CDH13: variants seen among roughly 807,000 people sequenced by gnomAD.
The protein encoded by CDH13 is cadherin-13.
In CDH13, 24 loss-of-function variants were observed where a neutral mutation model predicts 63.8. The ratio of observed to expected loss-of-function variants is 0.38; its 90% CI spans 0.27 to 0.53. The LOEUF (loss-of-function observed/expected upper bound fraction) is 0.53, where lower values mean the gene tolerates loss of function less well. Among genes scored for constraint, CDH13 ranks in the 20% least tolerant of loss-of-function variants. CDH13 has a pLI of 0.85. For missense variants in CDH13, 1,049 were observed against 903.1 expected (o/e 1.16, Z -2.07); for synonymous variants, 503 against 355.3 (o/e 1.42, Z -4.67).
chr16:82,946,696 G>A (rs1023392159), intron 2 of CDH13, among the ~76,000 whole-genome samples: 1 of 150,676 alleles, frequency 6.6e-6, no homozygotes, highest in Non-Finnish European at 1.5e-5. Context: ...ACTCCAGCGT[G>A]GGTGACAGAA....
chr16:83,220,729 T>A (rs2151792113), intron 5 of CDH13, among the ~76,000 whole-genome samples: 1 of 150,406 alleles, frequency 6.6e-6, no homozygotes, highest in East Asian at 1.9e-4. Context: ...ATAGCGCCAA[T>A]GTTTCTGTTG....
At chr16:83,133,268 C>T (rs539934667) in intron 4 of CDH13, among the ~76,000 whole-genome samples, 7 of 152,214 alleles carry the variant, frequency 4.6e-5, no homozygotes, top group African/African-American at 1.7e-4. Flanking sequence ...GTTTTGTAAG[C>T]GTAAAATACA....
At chr16:82,735,965 C>G (rs547763285) in intron 1 of CDH13, among the ~76,000 whole-genome samples, 1 of 152,304 alleles carries the variant, frequency 6.6e-6, no homozygotes, top group South Asian at 2.1e-4. Context: ...TTAGAGGTTT[C>G]TCTGCTCATT....
At chr16:83,336,621 C>T (rs542172597) in intron 5 of CDH13, among the ~76,000 whole-genome samples, 4 of 152,134 alleles carry the variant, frequency 2.6e-5, no homozygotes, top group African/African-American at 7.2e-5. Flanking sequence ...ATCCATTGAT[C>T]GAATGTTGAA....
At chr16:82,649,913 A>C (rs1422805829) in intron 1 of CDH13, among the ~76,000 whole-genome samples, 1 of 152,192 alleles carries the variant, frequency 6.6e-6, no homozygotes, top group Admixed American at 6.5e-5. Context: ...GAGAGGAGGA[A>C]TTGAAGCATG....
At chr16:83,037,665 A>T (rs1421843294) in intron 3 of CDH13, among the ~76,000 whole-genome samples, 1 of 152,190 alleles carries the variant, frequency 6.6e-6, no homozygotes, top group South Asian at 2.1e-4. Context: ...AGAGATGTCC[A>T]GGAGTCAATG....
intron 1 of CDH13, among the ~76,000 whole-genome samples, chr16:82,666,048 T>A (rs1163116226): frequency 1.3e-5 from 2 of 152,192 alleles, no homozygotes; most frequent in Admixed American, 6.5e-5. Flanking sequence ...ATAAATCGTG[T>A]AAAATCCTCC....
chr16:82,861,202 T>G (rs538924967), intron 2 of CDH13, among the ~76,000 whole-genome samples: 2 of 152,352 alleles, frequency 1.3e-5, no homozygotes, highest in South Asian at 2.1e-4. Flanking sequence ...AGGTCAGTGT[T>G]GTACACAGTG....
chr16:83,276,325 A>C (rs2088987015), intron 5 of CDH13, among the ~76,000 whole-genome samples: 1 of 151,966 alleles, frequency 6.6e-6, no homozygotes. Flanking sequence ...CTCATTGAAT[A>C]AGTTGAGGGT....
chr16:83,005,640 GT>G (rs1207153471), intron 2 of CDH13, among the ~76,000 whole-genome samples: 1 of 152,180 alleles, frequency 6.6e-6, no homozygotes, highest in Admixed American at 6.5e-5. Flanking sequence ...ATTATAGCTT[GT>G]TTCAGAAACA....
chr16:82,652,512 A>G (rs1193938460), intron 1 of CDH13, among the ~76,000 whole-genome samples: 2 of 152,196 alleles, frequency 1.3e-5, no homozygotes, highest in East Asian at 3.9e-4. Flanking sequence ...GCTCAGTGAT[A>G]TGATTACAGC....
chr16:82,865,841 A>G (rs189249563), intron 2 of CDH13, among the ~76,000 whole-genome samples: 4 of 152,234 alleles, frequency 2.6e-5, no homozygotes, highest in African/African-American at 9.6e-5. Context: ...CAGGCTGCAA[A>G]TTTTCCAAAC....
At chr16:83,067,432 A>G (rs985036531) in intron 3 of CDH13, among the ~76,000 whole-genome samples, 7 of 152,214 alleles carry the variant, frequency 4.6e-5, no homozygotes, top group East Asian at 3.9e-4. Flanking sequence ...TCAAGGACTC[A>G]ATGACAGCAA....
At chr16:83,431,763 G>T (rs1567668331) in intron 6 of CDH13, among the ~76,000 whole-genome samples, 2 of 152,070 alleles carry the variant, frequency 1.3e-5, no homozygotes, top group African/African-American at 4.8e-5. Flanking sequence ...TAGCACCAAG[G>T]GGATGGCACT....
At chr16:82,870,624 C>T (rs2040310975) in intron 2 of CDH13, among the ~76,000 whole-genome samples, 1 of 151,766 alleles carries the variant, frequency 6.6e-6, no homozygotes, top group Admixed American at 6.6e-5. Flanking sequence ...TTTACATACC[C>T]AATAAGATGA....
At chr16:83,196,247 T>C (rs1597498193) in intron 4 of CDH13, among the ~76,000 whole-genome samples, 3 of 151,658 alleles carry the variant, frequency 2.0e-5, no homozygotes, top group South Asian at 2.1e-4. Context: ...CAGAGTGAGA[T>C]TCCATCTCAA....
At chr16:83,169,048 A>G (rs916569545) in intron 4 of CDH13, among the ~76,000 whole-genome samples, 2 of 152,184 alleles carry the variant, frequency 1.3e-5, no homozygotes, top group Non-Finnish European at 2.9e-5. Context: ...TTTGTATTGA[A>G]TAACTAAATT....
intron 5 of CDH13, among the ~76,000 whole-genome samples, chr16:83,294,530 C>T (rs112240326): frequency 0.011 from 1,681 of 151,972 alleles, 34 homozygotes; most frequent in Non-Finnish European, 0.011. Flanking sequence ...AACATAATGT[C>T]CTCCAGGTTC....
At chr16:83,530,083 C>T (rs1002509382) in intron 7 of CDH13, among the ~76,000 whole-genome samples, 1 of 152,162 alleles carries the variant, frequency 6.6e-6, no homozygotes, top group African/African-American at 2.4e-5. Context: ...GTCTGTCTTC[C>T]TTCTAAACCC....
Sources: gnomAD v4.1 joint callset for allele counts (sites outside exome capture counted in the v4.1 genomes callset) on GRCh38, gnomAD v4.1.1 for gene constraint, MANE v1.5 for transcripts, NCBI Gene and HGNC (gene_info 2026-07-23, HGNC 2026-07-21) for gene names.